The following SH3BGR variants were observed in gnomAD, a reference collection of about 807,000 sequenced individuals.
SH3BGR encodes the protein SH3 domain binding glutamate rich protein, also known as SH3 domain-binding glutamic acid-rich protein.
Under a neutral mutation model 24.5 loss-of-function variants are expected in SH3BGR, and 29 were observed. That is an observed-to-expected ratio of 1.18 (90% confidence interval 0.88 to 1.61). The LOEUF (loss-of-function observed/expected upper bound fraction) is 1.61. Among genes scored for constraint, SH3BGR ranks in the 40% most tolerant of loss-of-function variants. The pLI is 0.00. For missense variants in SH3BGR, 162 were observed against 205.8 expected, an observed-to-expected ratio of 0.79 and a Z score of 1.30; for synonymous variants, 55 against 65.7, an observed-to-expected ratio of 0.84 and a Z score of 0.79.
At chr21:39,492,497 C>CTTTTTCTTT (rs2078321654) in intron 3 of SH3BGR, among the ~76,000 whole-genome samples, 1 of 148,334 alleles carries the variant, frequency 6.7e-6, no homozygotes, top group African/African-American at 2.5e-5. Flanking sequence ...CACACACACA[C>CTTTTTCTTT]ACCACATTTT....
At chr21:39,486,270 G>C (rs908209894) in intron 3 of SH3BGR, among the ~76,000 whole-genome samples, 19 of 152,120 alleles carry the variant, frequency 1.2e-4, no homozygotes, top group Non-Finnish European at 2.1e-4. Context: ...TATTTGATGA[G>C]AAAATTTGTT....
intron 3 of SH3BGR, chr21:39,491,766 CT>C: frequency 4.6e-6 from 1 of 218,484 alleles, no homozygotes; most frequent in Non-Finnish European, 9.6e-6. Context: ...GTGGCCTCCA[CT>C]TTGTTTCAAA....
In SH3BGR at chr21:39,462,484, A is replaced by G; in HGVS notation, c.155A>G (p.Asn52Ser). The G allele has an allele frequency of 6.2e-7, 1 of 1,611,408 alleles. No individual in the cohort carries two copies. Among genetic ancestry groups the G allele is most frequent in the Non-Finnish European group, 8.5e-7 (1 of 1,179,410 alleles). ...GACAACAGGAGGTGGATGAGAGAGA[A>G]TGTTCCTGGAGAGAAAAAACCTCAA... ...DEDNRRWMRE[N>S]VPGEKKPQNG... Residue 52 changes from asparagine to serine, a missense_variant, in exon 2 of 7, where the codon AAT becomes AGT. Asn to Ser is a conservative substitution (Grantham distance 46). Transcript: ENST00000333634.
At chr21:39,501,042 C>T (rs1165380969) in intron 4 of SH3BGR, among the ~76,000 whole-genome samples, 1 of 152,148 alleles carries the variant, frequency 6.6e-6, no homozygotes, top group Non-Finnish European at 1.5e-5. Context: ...TTCATGGCAG[C>T]CTGTATAATT....
intron 1 of SH3BGR, among the ~76,000 whole-genome samples, chr21:39,458,182 A>G (rs2077694593): frequency 6.8e-6 from 1 of 147,662 alleles, no homozygotes; most frequent in Non-Finnish European, 1.5e-5. Context: ...AACAAGGCAC[A>G]TGAAAATGAC....
At chr21:39,451,796 C>T (rs571299516), upstream of SH3BGR, 32 of 1,184,274 alleles carry the variant, frequency 2.7e-5, no homozygotes, top group South Asian at 4.0e-5. Context: ...GGACTGTTGT[C>T]GCGCGTTTAA....
At chr21:39,506,657 A>G (rs1224742000) in intron 4 of SH3BGR, among the ~76,000 whole-genome samples, 1 of 152,176 alleles carries the variant, frequency 6.6e-6, no homozygotes, top group African/African-American at 2.4e-5. Flanking sequence ...TTACTACCAC[A>G]AGAACAGTAT....
rs911943905 is a variant in SH3BGR, at chr21:39,507,460, A to G, written c.406-1538A>G. Among the ~76,000 whole-genome samples the G allele has an allele frequency of 2.0e-5, 3 of 152,034 alleles. No homozygotes were observed. The East Asian group carries it at 5.8e-4, about 29-fold the overall frequency. On this transcript the variant is annotated intron_variant, in intron 4 of 6. Transcript: ENST00000333634. ...GCGATTCTCCTGCCTCAGCCTCCCAAGTAGCTGGGATTACAGGCATGCGCC... is the reference window on the plus strand; with the variant it reads ...GCGATTCTCCTGCCTCAGCCTCCCAGGTAGCTGGGATTACAGGCATGCGCC...
chr21:39,461,452 T>C (rs765627619), intron 1 of SH3BGR, among the ~76,000 whole-genome samples: 10 of 152,152 alleles, frequency 6.6e-5, no homozygotes, highest in Non-Finnish European at 1.3e-4. Context: ...TAGATCTTAA[T>C]TGGCTTTTGT....
intron 2 of SH3BGR, among the ~76,000 whole-genome samples, chr21:39,473,520 T>C (rs1193992347): frequency 9.9e-5 from 15 of 152,092 alleles, no homozygotes; most frequent in Non-Finnish European, 1.6e-4. Flanking sequence ...GTATTCAGTA[T>C]AAAAGAATAA....
Position 39,511,482 on chromosome 21 carries a change from G to A in SH3BGR, c.436-198G>A, listed in dbSNP as rs2078694419. Among the ~76,000 whole-genome samples the A allele has an allele frequency of 6.7e-6, 1 of 148,718 alleles. No homozygotes were observed. Among genetic ancestry groups the A allele is most frequent in the Non-Finnish European group, 1.5e-5 (1 of 66,302 alleles). On this transcript the variant is annotated intron_variant, in intron 5 of 6. Transcript: ENST00000333634. This position sits in a 1 kb window ranked among gnomAD's most constrained non-coding sequence, Gnocchi z 4.2. The stretch of plus-strand genomic sequence containing the variant: ...TGGTGTGTGTGTGTTTGGGCGGTAT[G>A]TGTGTGGGGTGTGTGTGTGGCATGT...
chr21:39,462,443 T>TA lies in SH3BGR; in HGVS notation c.115dup (p.Ile39AsnfsTer5). The TA allele has an allele frequency of 6.2e-7, 1 of 1,610,104 alleles. No homozygotes were observed. The highest frequency in any genetic ancestry group is 8.5e-7 in the Non-Finnish European group (1 of 1,179,118). On this transcript the variant is annotated frameshift_variant, in exon 2 of 7. Transcript: ENST00000333634. LOFTEE classifies it high-confidence loss of function. ...ATAAAATCGACTTTAAGGAATTAGA[T>TA]ATTGCTGGAGATGAAGACAACAGGA...
At chr21:39,512,243 G>A (rs1239879937) in intron 6 of SH3BGR, among the ~76,000 whole-genome samples, 1 of 152,114 alleles carries the variant, frequency 6.6e-6, no homozygotes, top group Admixed American at 6.5e-5. Context: ...CAGAATGATG[G>A]CAATAAATTA....
intron 3 of SH3BGR, among the ~76,000 whole-genome samples, chr21:39,484,859 A>G (rs964324749): frequency 6.6e-6 from 1 of 152,232 alleles, no homozygotes; most frequent in Non-Finnish European, 1.5e-5. Flanking sequence ...ACGACATCTG[A>G]TTTATGGAAA....
chr21:39,473,700 C>T (rs9975004), intron 2 of SH3BGR, among the ~76,000 whole-genome samples: 134,679 of 151,360 alleles, frequency 0.89, 59,922 homozygotes, highest in Middle Eastern at 0.9. Context: ...GCCTGGCCAA[C>T]ATGGTGAAAC....
rs2078630199 is a variant in SH3BGR, at chr21:39,509,035, C to T, written c.435+8C>T. ...GAGACAGCCACAGAAGAGGTACGGTCGACCATCTTTAACAGCTGTGCTTAA... is the reference window on the plus strand; with the variant it reads ...GAGACAGCCACAGAAGAGGTACGGTTGACCATCTTTAACAGCTGTGCTTAA... On this transcript the variant is annotated splice_region_variant and intron_variant, in intron 5 of 6. Transcript: ENST00000333634. The T allele has an allele frequency of 2.5e-6, 4 of 1,605,508 alleles. No homozygotes were observed. Among genetic ancestry groups the T allele is most frequent in the Admixed American group, 1.7e-5 (1 of 59,254 alleles).
At chr21:39,469,011 G>GTTT (rs78313529) in intron 2 of SH3BGR, among the ~76,000 whole-genome samples, 5 of 134,406 alleles carry the variant, frequency 3.7e-5, no homozygotes, top group Non-Finnish European at 4.9e-5. Flanking sequence ...AAGATGTCTA[G>GTTT]TTTTTTTTTT....
intron 3 of SH3BGR, among the ~76,000 whole-genome samples, chr21:39,491,234 C>T (rs1452005306): frequency 6.6e-6 from 1 of 151,780 alleles, no homozygotes; most frequent in Non-Finnish European, 1.5e-5. Context: ...ACTGCAACCT[C>T]CGCCTCCCAA....
At position 39,499,861 on chromosome 21, in the gene SH3BGR, AC is replaced by A. The variant is rs1461766835; in HGVS notation, c.352del (p.Gln118LysfsTer32). ...KAEEGGETEA[Q>X]KEGSEDVGNL... ...CTGAAGAAGGTGGAGAAACTGAGGC[AC>A]AAAAAGAGGGCAGTGAAGATGTGGG... On this transcript the variant is annotated frameshift_variant, in exon 4 of 7. Transcript: ENST00000333634. LOFTEE classifies it high-confidence loss of function. 1 of 1,613,744 alleles carries A rather than the reference AC, an allele frequency of 6.2e-7. No individual in the cohort carries two copies. Among genetic ancestry groups the A allele is most frequent in the Admixed American group, 1.7e-5 (1 of 59,974 alleles).
Sources: allele counts gnomAD v4.1 joint callset (sites outside exome capture counted in the v4.1 genomes callset), GRCh38; gene constraint gnomAD v4.1.1; non-coding constraint Gnocchi (gnomAD v3.1); transcripts MANE v1.5; gene names NCBI Gene and HGNC (gene_info 2026-07-23, HGNC 2026-07-21).